CFAP57: variants seen among roughly 807,000 people sequenced by gnomAD.
The protein encoded by CFAP57 is cilia- and flagella-associated protein 57.
A neutral mutation model predicts 146.8 loss-of-function variants in CFAP57; 116 were observed. That is an observed-to-expected ratio of 0.79 (90% CI 0.68 to 0.92). The LOEUF is 0.92. Ranked by LOEUF, CFAP57 falls within the 40% of genes least tolerant of loss-of-function variation. The pLI, the probability that CFAP57 is intolerant of heterozygous loss-of-function variation, is 0.00. For synonymous variants in CFAP57, 518 were observed against 552.8 expected (o/e 0.94, Z 0.88); for missense variants, 1,377 against 1,527.2 (o/e 0.90, Z 1.64).
At chr1:43,248,464 C>T (rs554298205) in intron 22 of CFAP57, among the ~76,000 whole-genome samples, 3 of 149,536 alleles carry the variant, frequency 2.0e-5, no homozygotes, top group East Asian at 2.0e-4. Flanking sequence ...ACTACAGGCA[C>T]GTGCCACCAG....
At chr1:43,191,397 C>T (rs959039032) in intron 6 of CFAP57, among the ~76,000 whole-genome samples, 2 of 151,988 alleles carry the variant, frequency 1.3e-5, no homozygotes, top group African/African-American at 2.4e-5. Context: ...ACCATCCTGG[C>T]TAACACAGTG....
rs1392087946 is a variant in CFAP57, at chr1:43,201,137, A to T, written c.1542+1634A>T. On this transcript the variant is annotated intron_variant, in intron 9 of 22. Transcript: ENST00000372492. This position sits in a 1 kb window ranked among gnomAD's most constrained non-coding sequence, Gnocchi z 4.4. ...AGGGCTGAGTATGAAGATTCGGGGA[A>T]TTAGAAAGTAGAGGAAGTCAGAGGC... Among the ~76,000 whole-genome samples, 1 of 152,154 alleles carries T rather than the reference A, an allele frequency of 6.6e-6. No homozygotes were observed. Among genetic ancestry groups the T allele is most frequent in the Admixed American group, 6.5e-5 (1 of 15,278 alleles).
intron 6 of CFAP57, among the ~76,000 whole-genome samples, chr1:43,197,180 G>A (rs771668979): frequency 4.0e-5 from 6 of 151,884 alleles, no homozygotes; most frequent in Admixed American, 6.6e-5. Flanking sequence ...TAGTGAAACC[G>A]CGTCTCTACT....
chr1:43,215,537 C>A (rs370396617), intron 12 of CFAP57, 121 bp downstream of exon 12: 3 of 1,169,852 alleles, frequency 2.6e-6, no homozygotes, highest in Non-Finnish European at 3.5e-6. Flanking sequence ...CAGACCCCCA[C>A]GGCTCCCTGC....
intron 18 of CFAP57, chr1:43,232,191 G>A (rs1645499874): frequency 1.6e-6 from 1 of 641,550 alleles, no homozygotes; most frequent in South Asian, 1.7e-5. Context: ...TAGTGCTTGG[G>A]TGTCACCAAT....
At position 43,199,286 on chromosome 1, in the gene CFAP57, G is replaced by A. The variant is rs58684521; in HGVS notation, c.1429-104G>A. 3.3e-3 allele frequency: 3,462 copies of A among 1,052,000 alleles called. 74 individuals carry two copies. The African/African-American group carries it at 0.048, about 14-fold the overall frequency. The allele number at this position is 1,052,000 out of a possible 1,614,324, so 65.2% of individuals were successfully genotyped here. On this transcript the variant is annotated intron_variant, in intron 8 of 22. Transcript: ENST00000372492. Reference sequence around the variant, plus strand: ...CTTCCCCCCACTCCCACCCTCACACGTAGTTTCAGTCTGAACTCGTTGGGA... The same window carrying A: ...CTTCCCCCCACTCCCACCCTCACACATAGTTTCAGTCTGAACTCGTTGGGA...
In CFAP57 at chr1:43,197,616, G is replaced by C; in HGVS notation, c.1186G>C (p.Ala396Pro). ...GCACTCAGCACCCATCACCGGTCTAGCTACCTGCATCCGCAAACCCCTTAT... is the reference window on the plus strand; with the variant it reads ...GCACTCAGCACCCATCACCGGTCTACCTACCTGCATCCGCAAACCCCTTAT... ...PLHSAPITGL[A>P]TCIRKPLIAT... The change falls in exon 7 of 23, where the codon GCT (alanine) becomes CCT (proline). Residue 396 changes from alanine to proline, a missense_variant. Transcript: ENST00000372492. The C allele has an allele frequency of 6.2e-7, 1 of 1,614,102 alleles. No individual in the cohort carries two copies. Among genetic ancestry groups the C allele is most frequent in the Non-Finnish European group, 8.5e-7 (1 of 1,180,028 alleles).
At position 43,183,722 on chromosome 1, in the gene CFAP57, T is replaced by C. The variant is rs663336; in HGVS notation, c.606T>C (p.Ala202=). ...FQRGEPQNYL[A]HTWVADDKIV... The stretch of plus-strand genomic sequence containing the variant: ...GGGGAGAACCCCAAAACTATCTAGC[T>C]CACACCTGGGTGGCTGATGACAAGA... Residue 202 remains alanine, a synonymous_variant, in exon 4 of 23, where the codon GCT becomes GCC. Transcript: ENST00000372492. 178,918 of 1,613,956 alleles carry C rather than the reference T, an allele frequency of 0.11. 15,809 individuals carry two copies. The highest frequency in any genetic ancestry group is 0.38 in the African/African-American group (28,300 of 74,898).
At chr1:43,232,650 T>C in intron 19 of CFAP57, 26 bp downstream of exon 19, 1 of 1,483,372 alleles carries the variant, frequency 6.7e-7, no homozygotes, top group Non-Finnish European at 9.1e-7. Context: ...AGTCTGGCAG[T>C]TCTTGGATTC....
Position 43,215,535 on chromosome 1 carries a change from C to T in CFAP57, c.2091+119C>T, listed in dbSNP as rs1180886627. ...ACACCCTATGCCCAGTGCAGACCCC[C>T]ACGGCTCCCTGCACATCTGCTGTCC... On this transcript the variant is annotated intron_variant, in intron 12 of 22. Transcript: ENST00000372492. The T allele has an allele frequency of 1.9e-5, 23 of 1,209,306 alleles. No individual in the cohort carries two copies. In the South Asian group the frequency reaches 2.8e-4, roughly 15 times the overall value. 74.9% of individuals were successfully genotyped at this position (1,209,306 alleles called of 1,614,324 possible). A position where few individuals can be genotyped will look rare whatever the true frequency, so the allele number is the denominator to read the frequency against.
At position 43,198,663 on chromosome 1, in the gene CFAP57, T is replaced by C. The variant is rs967445503; in HGVS notation, c.1428+17T>C. On this transcript the variant is annotated intron_variant, in intron 8 of 22. Transcript: ENST00000372492. ...TGCGGAGAGGTAAAAAAAAAACTGC[T>C]GAAGACAAAAGTCCAGTTTCTTAGA... 1.2e-6 allele frequency: 2 copies of C among 1,612,422 alleles called. No homozygotes were observed. Among genetic ancestry groups the C allele is most frequent in the Non-Finnish European group, 1.7e-6 (2 of 1,179,604 alleles).
intron 3 of CFAP57, among the ~76,000 whole-genome samples, chr1:43,182,276 G>A (rs1645445022): frequency 6.6e-6 from 1 of 152,208 alleles, no homozygotes; most frequent in African/African-American, 2.4e-5. Context: ...TTAGGAAGCT[G>A]TTGCTGAAGT....
rs550802294 is a variant in CFAP57, at chr1:43,243,694, G to A, written c.3538+335G>A. Among the ~76,000 whole-genome samples the A allele has an allele frequency of 3.9e-5, 6 of 152,302 alleles. No individual in the cohort carries two copies. In the South Asian group the frequency reaches 1.2e-3, roughly 32 times the overall value. On this transcript the variant is annotated intron_variant, in intron 22 of 22. Coordinates refer to ENST00000372492, the MANE Select transcript of CFAP57 (RefSeq NM_001378189.1). ...TAAAATCAAACACTTTAGTATTTCT[G>A]TAGTGACATATGAATATTCACACTA...
At chr1:43,224,373 C>T (rs564008484) in intron 17 of CFAP57, among the ~76,000 whole-genome samples, 169 bp downstream of exon 17, 18 of 152,346 alleles carry the variant, frequency 1.2e-4, no homozygotes, top group African/African-American at 4.1e-4. Context: ...CTGGGCTAAT[C>T]GCTGTCAACA....
intron 21 of CFAP57, 85 bp downstream of exon 21, chr1:43,234,723 G>T (rs529809446): frequency 8.3e-6 from 12 of 1,451,428 alleles, no homozygotes; most frequent in Non-Finnish European, 1.1e-5. Context: ...GAGACCACCT[G>T]TCTTCAGGGC....
intron 5 of CFAP57, 22 bp from the exon 6 acceptor site, chr1:43,186,685 A>C (rs763089182): frequency 1.2e-6 from 2 of 1,613,296 alleles, no homozygotes; most frequent in South Asian, 2.2e-5. Context: ...CATTACTGAT[A>C]GCTGTTTTGC....
At chr1:43,203,022 T>C (rs997570213) in intron 9 of CFAP57, among the ~76,000 whole-genome samples, 1 of 150,476 alleles carries the variant, frequency 6.6e-6, no homozygotes, top group African/African-American at 2.4e-5. Context: ...AAATACAAAA[T>C]ATTAGCCGAG....
chr1:43,224,111 G>T lies in CFAP57; in HGVS notation c.2772G>T (p.Gln924His). 6.4e-7 allele frequency: 1 copy of T among 1,550,616 alleles called. No homozygotes were observed. Among genetic ancestry groups the T allele is most frequent in the Non-Finnish European group, 8.7e-7 (1 of 1,146,996 alleles). The change falls in exon 17 of 23, where the codon CAG (glutamine) becomes CAT (histidine). Residue 924 changes from glutamine (Q) to histidine (H), a missense_variant. By Grantham distance (24) the Gln-to-His change is conservative. Transcript: ENST00000372492. ...TNDIETLKGE[Q>H]MKLQGVIKSL... Reference sequence around the variant, plus strand: ...ACATCGAGACCCTAAAAGGAGAGCAGATGAAGCTGCAAGGAGTCATTAAGT... The same window carrying T: ...ACATCGAGACCCTAAAAGGAGAGCATATGAAGCTGCAAGGAGTCATTAAGT...
chr1:43,237,166 C>A (rs917323965), intron 21 of CFAP57, among the ~76,000 whole-genome samples: 2 of 152,054 alleles, frequency 1.3e-5, no homozygotes, highest in Admixed American at 6.6e-5. Flanking sequence ...CCTGGCACTT[C>A]AATCCAAAAA....
Sources: allele counts gnomAD v4.1 joint callset (sites outside exome capture counted in the v4.1 genomes callset), GRCh38; gene constraint gnomAD v4.1.1; non-coding constraint Gnocchi (gnomAD v3.1); transcripts MANE v1.5; gene names NCBI Gene and HGNC (gene_info 2026-07-23, HGNC 2026-07-21).